RALGAPA2: variants seen among roughly 807,000 people sequenced by gnomAD.
RALGAPA2 encodes the protein Ral GTPase activating protein catalytic subunit alpha 2, also known as ral GTPase-activating protein subunit alpha-2.
In RALGAPA2, 139 loss-of-function variants were observed where a neutral mutation model predicts 230.4. The observed-to-expected ratio is 0.60, with a 90% confidence interval of 0.53 to 0.69. The LOEUF (loss-of-function observed/expected upper bound fraction) is 0.69. Ranked by LOEUF, RALGAPA2 falls within the 30% of genes least tolerant of loss-of-function variation. RALGAPA2 has a pLI of 0.00. For missense variants in RALGAPA2, 2,163 were observed against 2,276.0 expected, an observed-to-expected ratio of 0.95 and a Z score of 1.01; for synonymous variants, 847 against 837.8, an observed-to-expected ratio of 1.01 and a Z score of -0.19.
At chr20:20,561,741 T>G (rs916281617) in intron 23 of RALGAPA2, among the ~76,000 whole-genome samples, 1 of 152,244 alleles carries the variant, frequency 6.6e-6, no homozygotes, top group Non-Finnish European at 1.5e-5. Flanking sequence ...TACTGAGTTG[T>G]GTCATTTAAT....
intron 38 of RALGAPA2, among the ~76,000 whole-genome samples, chr20:20,402,213 C>A (rs2059857051): frequency 6.6e-6 from 1 of 152,210 alleles, no homozygotes; most frequent in South Asian, 2.1e-4. Flanking sequence ...AGAAATCTTG[C>A]CCCATGGGAG....
intron 3 of RALGAPA2, among the ~76,000 whole-genome samples, chr20:20,667,122 T>C (rs961447827): frequency 6.6e-6 from 1 of 152,184 alleles, no homozygotes; most frequent in African/African-American, 2.4e-5. Context: ...AATTACTGGA[T>C]TGCATATACA....
At chr20:20,459,698 G>GT (rs1029837626) in intron 37 of RALGAPA2, among the ~76,000 whole-genome samples, 2 of 152,128 alleles carry the variant, frequency 1.3e-5, no homozygotes, top group African/African-American at 4.8e-5. Context: ...TATAATCAGC[G>GT]TATGAATATC....
At chr20:20,416,607 A>G (rs2060169755) in intron 37 of RALGAPA2, among the ~76,000 whole-genome samples, 1 of 152,244 alleles carries the variant, frequency 6.6e-6, no homozygotes, top group Non-Finnish European at 1.5e-5. Flanking sequence ...ACCAACCCGC[A>G]ACGTAAACCT....
At chr20:20,492,541 G>T (rs1460088568) in intron 36 of RALGAPA2, among the ~76,000 whole-genome samples, 1 of 152,122 alleles carries the variant, frequency 6.6e-6, no homozygotes. Flanking sequence ...TAGTTAAAAG[G>T]CTGGGGAATG....
chr20:20,546,820 T>C lies in RALGAPA2; in HGVS notation c.3169A>G (p.Thr1057Ala). The change falls in exon 24 of 40, where the codon ACG becomes GCG. Residue 1057 changes from threonine to alanine, a missense_variant. By Grantham distance (58) the Thr-to-Ala change is moderately conservative. Coordinates refer to ENST00000202677, the MANE Select transcript of RALGAPA2 (RefSeq NM_020343.4). ...LTSEDQDILN[T>A]IIRHCPPRFF... ...CGGGGTGGACAGTGCCTTATGATCGTATTTAAGATATCCTAAAAGGGAAGA... is the reference window on the plus strand; with the variant it reads ...CGGGGTGGACAGTGCCTTATGATCGCATTTAAGATATCCTAAAAGGGAAGA... 1 of 1,582,596 alleles carries C rather than the reference T, an allele frequency of 6.3e-7. No individual in the cohort carries two copies.
At chr20:20,567,996 C>T (rs1454394064) in intron 23 of RALGAPA2, among the ~76,000 whole-genome samples, 1 of 151,878 alleles carries the variant, frequency 6.6e-6, no homozygotes, top group Non-Finnish European at 1.5e-5. Context: ...AGCACAGAGT[C>T]CAGCACTGTG....
At chr20:20,651,247 G>A (rs922804785) in intron 4 of RALGAPA2, among the ~76,000 whole-genome samples, 2 of 152,242 alleles carry the variant, frequency 1.3e-5, no homozygotes, top group African/African-American at 2.4e-5. Flanking sequence ...CTGTAGAAGC[G>A]ATGTGGACCT....
At chr20:20,471,479 G>A (rs562407597) in intron 37 of RALGAPA2, 1 of 139,718 alleles carries the variant, frequency 7.2e-6, no homozygotes, top group African/African-American at 2.7e-5. Context: ...TGCCCAGCTC[G>A]TCCTAGTTGA....
At position 20,546,675 on chromosome 20, in the gene RALGAPA2, G is replaced by A. The variant is rs762320293; in HGVS notation, c.3285+29C>T. ...TTAGCGATTGTGAAGCCTCTTGGGA[G>A]CTGGGATGCTGAGCATTGTCATACT... is the stretch of plus-strand genomic sequence containing the variant. On this transcript the variant is annotated intron_variant, in intron 24 of 39. Coordinates refer to ENST00000202677, the MANE Select transcript of RALGAPA2 (RefSeq NM_020343.4). 7.7e-6 allele frequency: 12 copies of A among 1,564,792 alleles called. No individual in the cohort carries two copies. In the African/African-American group the frequency reaches 1.1e-4, roughly 14 times the overall value.
chr20:20,514,913 A>G (rs1311363780), intron 31 of RALGAPA2, among the ~76,000 whole-genome samples: 1 of 152,222 alleles, frequency 6.6e-6, no homozygotes, highest in Non-Finnish European at 1.5e-5. Flanking sequence ...GCAGAGAACC[A>G]GGAGCCAAGG....
intron 1 of RALGAPA2, among the ~76,000 whole-genome samples, chr20:20,694,928 C>T (rs2069053434): frequency 6.6e-6 from 1 of 152,068 alleles, no homozygotes; most frequent in African/African-American, 2.4e-5. Context: ...TCATATTATC[C>T]AAATGTTTAT....
At chr20:20,595,604 T>C (rs2065428107) in intron 16 of RALGAPA2, among the ~76,000 whole-genome samples, 1 of 152,130 alleles carries the variant, frequency 6.6e-6, no homozygotes, top group South Asian at 2.1e-4. Context: ...AAAAATAAAA[T>C]CTACTATCTG....
At chr20:20,496,047 T>C (rs1043596142) in intron 35 of RALGAPA2, among the ~76,000 whole-genome samples, 4 of 152,164 alleles carry the variant, frequency 2.6e-5, no homozygotes, top group African/African-American at 9.7e-5. Context: ...GCCCGGGACA[T>C]GCACTGGGGC....
intron 20 of RALGAPA2, among the ~76,000 whole-genome samples, chr20:20,573,306 C>A (rs1265497373): frequency 6.6e-6 from 1 of 152,054 alleles, no homozygotes; most frequent in Non-Finnish European, 1.5e-5. Context: ...CCTGGAGACC[C>A]TGTGATGGGT....
Position 20,495,793 on chromosome 20 carries a change from A to T in RALGAPA2, c.5209-518T>A, listed in dbSNP as rs551325045. Among the ~76,000 whole-genome samples the T allele has an allele frequency of 8.5e-5, 13 of 152,322 alleles. No individual in the cohort carries two copies. The East Asian group carries it at 2.3e-3, about 27-fold the overall frequency. ...AAACCTTTAAGAAAAGGACGTATAA[A>T]ATTACCTTTGCTTAGGAAATGAATA... On this transcript the variant is annotated intron_variant, in intron 35 of 39. Coordinates refer to ENST00000202677, the MANE Select transcript of RALGAPA2 (RefSeq NM_020343.4).
chr20:20,395,652 A>G (rs959431820), intron 39 of RALGAPA2, among the ~76,000 whole-genome samples: 1 of 152,102 alleles, frequency 6.6e-6, no homozygotes, highest in Non-Finnish European at 1.5e-5. Context: ...AGTTTGGGAC[A>G]ATATCAGGAC....
intron 5 of RALGAPA2, among the ~76,000 whole-genome samples, chr20:20,641,270 G>A (rs1015647813): frequency 2.6e-5 from 4 of 152,186 alleles, no homozygotes; most frequent in African/African-American, 9.6e-5. Context: ...TAAGCACTAT[G>A]TAAGTGTTTC....
chr20:20,532,936 A>C (rs1371145280), intron 26 of RALGAPA2, among the ~76,000 whole-genome samples: 1 of 152,112 alleles, frequency 6.6e-6, no homozygotes, highest in African/African-American at 2.4e-5. Context: ...AGGCTTGGTA[A>C]GTATGCATGT....
Sources: allele counts gnomAD v4.1 joint callset (sites outside exome capture counted in the v4.1 genomes callset), GRCh38; gene constraint gnomAD v4.1.1; transcripts MANE v1.5; gene names NCBI Gene and HGNC (gene_info 2026-07-23, HGNC 2026-07-21).